Variants in SLC9A4 observed in about 807,000 individuals in gnomAD.
The protein encoded by SLC9A4 is sodium/hydrogen exchanger 4.
Under a neutral mutation model 67.4 loss-of-function variants are expected in SLC9A4, and 63 were observed. That is an observed-to-expected ratio of 0.93 (90% CI 0.76 to 1.15). SLC9A4 has a LOEUF of 1.15. Ranked by LOEUF, SLC9A4 falls within the 50% of genes most tolerant of loss-of-function variation. The probability of loss-of-function intolerance (pLI) is 0.00; values close to 1 mark genes in which losing one functional copy is unlikely to be tolerated. For synonymous variants in SLC9A4, 393 were observed against 367.2 expected (o/e 1.07, Z -0.80); for missense variants, 1,089 against 987.7 (o/e 1.10, Z -1.38).
In SLC9A4 at chr2:102,505,344, G is replaced by C; in HGVS notation, c.1071G>C (p.Met357Ile). The C allele has an allele frequency of 6.2e-7, 1 of 1,614,234 alleles. No homozygotes were observed. The highest frequency in any genetic ancestry group is 8.5e-7 in the Non-Finnish European group (1 of 1,180,050). Residue 357 changes from methionine to isoleucine, a missense_variant, in exon 4 of 12, where the codon ATG becomes ATC. Physicochemically the swap from Met to Ile is conservative, Grantham distance 10. Transcript: ENST00000295269. ...CGACCATCAAGTACTTCATGAAGATGCTGAGCAGCGTCAGCGAGACCTTGA... is the reference window on the plus strand; with the variant it reads ...CGACCATCAAGTACTTCATGAAGATCCTGAGCAGCGTCAGCGAGACCTTGA... ...SYTTIKYFMK[M>I]LSSVSETLIF... is the part of the protein sequence containing the mutation.
chr2:102,527,729 C>T (rs1431769214), intron 11 of SLC9A4, among the ~76,000 whole-genome samples: 2 of 152,152 alleles, frequency 1.3e-5, no homozygotes, highest in African/African-American at 2.4e-5. Flanking sequence ...TTTCCTAATA[C>T]CACTGGGATG....
Position 102,482,621 on chromosome 2 carries a change from T to G in SLC9A4, c.720+3319T>G, listed in dbSNP as rs1684489479. Reference sequence around the variant, plus strand: ...CATTTCCTAGTTCATCTCCCAGAGATAACCTTCTTTCACTCAGATCCAAGT... The same window carrying G: ...CATTTCCTAGTTCATCTCCCAGAGAGAACCTTCTTTCACTCAGATCCAAGT... On this transcript the variant is annotated intron_variant, in intron 2 of 11. Transcript: ENST00000295269. Among the ~76,000 whole-genome samples the G allele has an allele frequency of 2.6e-5, 4 of 152,198 alleles. No individual in the cohort carries two copies. The South Asian group carries it at 8.3e-4, about 31-fold the overall frequency.
rs575098100 is a variant in SLC9A4 at position 102,508,090 on chromosome 2, C to G, written c.1210C>G (p.Leu404Val). The change falls in exon 5 of 12, where the codon CTC becomes GTC. Residue 404 changes from leucine to valine, a missense_variant. Transcript: ENST00000295269. ...TTCCCCCTTTCTAGGCGTATTTGCTCTCTTCTATATCAGTAACCAGTTTCG... is the reference window on the plus strand; with the variant it reads ...TTCCCCCTTTCTAGGCGTATTTGCTGTCTTCTATATCAGTAACCAGTTTCG... ...QIWRAISVFA[L>V]FYISNQFRTF... 12 of 1,614,152 alleles carry G rather than the reference C, an allele frequency of 7.4e-6. No homozygotes were observed. The highest frequency in any genetic ancestry group is 2.7e-5 in the African/African-American group (2 of 75,036).
chr2:102,512,299 C>G (rs368095814), intron 7 of SLC9A4, 26 bp downstream of exon 7: 2 of 1,609,384 alleles, frequency 1.2e-6, no homozygotes, highest in African/African-American at 2.7e-5. Flanking sequence ...GTTTCACTCC[C>G]TGACAAACTT....
chr2:102,519,322 C>A (rs1042988369), intron 8 of SLC9A4, among the ~76,000 whole-genome samples: 1 of 152,172 alleles, frequency 6.6e-6, no homozygotes, highest in East Asian at 1.9e-4. Context: ...TATAAATGTA[C>A]TCATGAAACT....
chr2:102,489,375 G>C (rs770071741), intron 2 of SLC9A4, among the ~76,000 whole-genome samples: 1 of 152,120 alleles, frequency 6.6e-6, no homozygotes. Context: ...GAAAGAAATT[G>C]TTCGGTAGTT....
At chr2:102,477,748 T>C (rs1053412478) in intron 1 of SLC9A4, among the ~76,000 whole-genome samples, 3 of 152,104 alleles carry the variant, frequency 2.0e-5, no homozygotes, top group African/African-American at 7.2e-5. Context: ...AGAAGACAAG[T>C]AATAGGCCTT....
At chr2:102,493,415 T>C (rs760112854) in intron 2 of SLC9A4, among the ~76,000 whole-genome samples, 9 of 151,672 alleles carry the variant, frequency 5.9e-5, no homozygotes, top group Non-Finnish European at 1.3e-4. Flanking sequence ...GCCTCACAAT[T>C]ATGGCAGAAG....
Position 102,490,590 on chromosome 2 carries a change from A to G in SLC9A4, c.720+11288A>G, listed in dbSNP as rs186518639. The stretch of plus-strand genomic sequence containing the variant: ...TCTATATGCAGTCACATTATCAGGT[A>G]CTGGCAGTTAAACCCCAACATATAA... On this transcript the variant is annotated intron_variant, in intron 2 of 11. Coordinates refer to ENST00000295269, the MANE Select transcript of SLC9A4 (RefSeq NM_001011552.4). Among the ~76,000 whole-genome samples the G allele has an allele frequency of 1.1e-3, 162 of 152,322 alleles. 1 individual carries two copies. Among genetic ancestry groups the G allele is most frequent in the African/African-American group, 3.7e-3 (153 of 41,572 alleles).
intron 2 of SLC9A4, among the ~76,000 whole-genome samples, chr2:102,491,858 T>C (rs1684709740): frequency 6.6e-6 from 1 of 152,162 alleles, no homozygotes. Context: ...CCTATGACCC[T>C]GTAAAATCAA....
chr2:102,513,996 T>A, intron 7 of SLC9A4, 94 bp from the exon 8 acceptor site: 1 of 1,477,154 alleles, frequency 6.8e-7, no homozygotes, highest in East Asian at 2.4e-5. Flanking sequence ...CAGAATAAAG[T>A]TAAGTAGTAA....
chr2:102,483,892 A>T (rs1023762413), intron 2 of SLC9A4, among the ~76,000 whole-genome samples: 2 of 148,066 alleles, frequency 1.4e-5, no homozygotes, highest in Admixed American at 6.8e-5. Flanking sequence ...TATAATATAT[A>T]GAAAAATATC....
At chr2:102,507,818 T>C (rs1459737210) in intron 4 of SLC9A4, among the ~76,000 whole-genome samples, 2 of 152,184 alleles carry the variant, frequency 1.3e-5, no homozygotes, top group Non-Finnish European at 2.9e-5. Flanking sequence ...ATTTTATTAA[T>C]TTAAACACAT....
chr2:102,525,245 T>C (rs1279823834), intron 10 of SLC9A4, 90 bp downstream of exon 10: 3 of 1,559,742 alleles, frequency 1.9e-6, no homozygotes, highest in African/African-American at 2.7e-5. Flanking sequence ...CTCACATGCA[T>C]GACCATCGAT....
chr2:102,506,746 C>T (rs1041078567), intron 4 of SLC9A4, among the ~76,000 whole-genome samples: 1 of 152,096 alleles, frequency 6.6e-6, no homozygotes, highest in African/African-American at 2.4e-5. Context: ...AATTACAGAG[C>T]TTTAGCCGAG....
chr2:102,512,698 A>G (rs1205153446), intron 7 of SLC9A4, among the ~76,000 whole-genome samples: 2 of 152,162 alleles, frequency 1.3e-5, no homozygotes, highest in East Asian at 3.8e-4. Flanking sequence ...GATCTTTAAG[A>G]TTCTCAAATA....
At chr2:102,513,586 G>T (rs1226516603) in intron 7 of SLC9A4, among the ~76,000 whole-genome samples, 1 of 152,152 alleles carries the variant, frequency 6.6e-6, no homozygotes, top group African/African-American at 2.4e-5. Context: ...CCCTTAATTG[G>T]TAGGATTCAA....
chr2:102,484,101 T>C (rs1387830927), intron 2 of SLC9A4, among the ~76,000 whole-genome samples: 1 of 152,080 alleles, frequency 6.6e-6, no homozygotes, highest in East Asian at 1.9e-4. Flanking sequence ...TAGTGTTTTA[T>C]TAAACCCTTT....
chr2:102,512,181 TTTTCTTGTGTTTG>T lies in SLC9A4; in HGVS notation c.1489-18_1489-6del, dbSNP rs1313443922. On this transcript the variant is annotated splice_polypyrimidine_tract_variant and intron_variant, in intron 6 of 11. Transcript: ENST00000295269. ...AGAGTTCGCGTTTCTCCAGCAATCA[TTTTCTTGTGTTTG>T]TTTGGCAGCTGATGGATCACTTAAA... 6.8e-6 allele frequency: 11 copies of T among 1,613,758 alleles called. No homozygotes were observed. Among genetic ancestry groups the T allele is most frequent in the African/African-American group, 1.3e-5 (1 of 75,020 alleles).
Sources: gnomAD v4.1 joint callset for allele counts (sites outside exome capture counted in the v4.1 genomes callset) on GRCh38, gnomAD v4.1.1 for gene constraint, MANE v1.5 for transcripts, NCBI Gene and HGNC (gene_info 2026-07-23, HGNC 2026-07-21) for gene names.